Variants in LONP1 observed in about 807,000 individuals in gnomAD.
The protein encoded by LONP1 is lon peptidase 1, mitochondrial, also known as lon protease homolog, mitochondrial.
LONP1 carries 31 observed loss-of-function variants against 98.5 expected under a neutral mutation model. The observed-to-expected ratio is 0.31, with a 90% CI of 0.24 to 0.42. The LOEUF is 0.42. Among genes scored for constraint, LONP1 ranks in the 20% least tolerant of loss-of-function variants. The pLI, the probability that LONP1 is intolerant of heterozygous loss-of-function variation, is 1.00. For missense variants in LONP1, 1,336 were observed against 1,350.6 expected (o/e 0.99, Z 0.17); for synonymous variants, 781 against 594.7 (o/e 1.31, Z -4.56).
chr19:5,714,312 T>A (rs1568327789), intron 1 of LONP1, 41 bp from the exon 2 acceptor site: 1 of 1,438,950 alleles, frequency 6.9e-7, no homozygotes, highest in East Asian at 2.3e-5. Flanking sequence ...CAGAGTAGAT[T>A]TTTTTTTTGA....
intron 1 of LONP1, among the ~76,000 whole-genome samples, chr19:5,716,845 G>A (rs2055332641): frequency 6.6e-6 from 1 of 152,140 alleles, no homozygotes; most frequent in African/African-American, 2.4e-5. Context: ...CCAGGCTAGA[G>A]CGCAGTGGAG....
intron 5 of LONP1, 141 bp downstream of exon 5, chr19:5,708,201 C>T (rs531984655): frequency 1.1e-5 from 9 of 835,606 alleles, no homozygotes; most frequent in South Asian, 3.3e-5. Flanking sequence ...CAGTGGGCAA[C>T]GGGCTCCTCC....
In LONP1 at chr19:5,700,825, G is replaced by A. The variant is rs774704630; in HGVS notation, c.1470C>T (p.Asp490=). Residue 490 remains aspartate (D), a synonymous_variant, in exon 9 of 18, where the codon GAC becomes GAT. Coordinates refer to ENST00000360614, the MANE Select transcript of LONP1 (RefSeq NM_004793.4). ...TCTTGACGTCCTCCATGCCGTAGTG[G>A]TCTTCCTCCAGCACTGCCTGTGCCC... is the stretch of plus-strand genomic sequence containing the variant. ...LARAQAVLEE[D]HYGMEDVKKR... 6.2e-6 allele frequency: 10 copies of A among 1,614,192 alleles called. 1 individual carries two copies. The South Asian group carries it at 6.6e-5, about 11-fold the overall frequency.
intron 3 of LONP1, 160 bp from the exon 4 acceptor site, chr19:5,712,162 G>A (rs1043796243): frequency 3.8e-5 from 23 of 599,474 alleles, no homozygotes; most frequent in Admixed American, 2.4e-4. Context: ...GACGTGAGCC[G>A]CTTTCTCGGG....
Position 5,707,778 on chromosome 19 carries a change from G to A in LONP1, c.981C>T (p.Asn327=), listed in dbSNP as rs2055171673. The part of the protein sequence containing the change: ...MMQAGQRVVD[N]PIYLSDMGAA... ...CGCCCATGTCGCTCAGGTAGATGGG[G>A]TTGTCCACCACCCGCTGGCCAGCCT... Residue 327 remains asparagine, a synonymous_variant, in exon 6 of 18, where the codon AAC becomes AAT. Transcript: ENST00000360614. 6.2e-7 allele frequency: 1 copy of A among 1,613,186 alleles called. No homozygotes were observed.
At chr19:5,695,801 G>C (rs940385229) in intron 13 of LONP1, among the ~76,000 whole-genome samples, 2 of 152,234 alleles carry the variant, frequency 1.3e-5, no homozygotes, top group Admixed American at 1.3e-4. Context: ...GGCCCCGGGA[G>C]ACAGAGTGTG....
At chr19:5,710,551 A>T (rs1379736022) in intron 4 of LONP1, among the ~76,000 whole-genome samples, 3 of 151,220 alleles carry the variant, frequency 2.0e-5, no homozygotes, top group African/African-American at 4.9e-5. Flanking sequence ...CAGGGATTTT[A>T]TTTTTTTTGT....
intron 7 of LONP1, among the ~76,000 whole-genome samples, 198 bp from the exon 8 acceptor site, chr19:5,706,190 G>A (rs1435769884): frequency 6.6e-6 from 1 of 152,128 alleles, no homozygotes; most frequent in Non-Finnish European, 1.5e-5. Context: ...AGGCTGGAGT[G>A]CAAAGGCACC....
At chr19:5,714,119 G>A in intron 2 of LONP1, 64 bp downstream of exon 2, 3 of 1,278,654 alleles carry the variant, frequency 2.3e-6, no homozygotes, top group East Asian at 4.6e-5. Flanking sequence ...TACAGAGTAG[G>A]ACTTGTGGTG....
Position 5,696,292 on chromosome 19 carries a change from T to C in LONP1, c.1853A>G (p.Asn618Ser). The C allele has an allele frequency of 2.5e-6, 4 of 1,613,438 alleles. No homozygotes were observed. Among genetic ancestry groups the C allele is most frequent in the Non-Finnish European group, 2.5e-6 (3 of 1,179,888 alleles). ...LELLDPEQNANFLDHYLDVPV... is the reference protein window; with the variant it reads ...LELLDPEQNASFLDHYLDVPV... ...CACGTCCAGGTAGTGGTCCAGGAAG[T>C]TGGCATTCTGCTCTGGGTCCAGCAG... The change falls in exon 12 of 18, where the codon AAC (asparagine) becomes AGC (serine). Residue 618 changes from asparagine to serine, a missense_variant. Physicochemically the swap from Asn to Ser is conservative, Grantham distance 46. This residue lies in a region of LONP1 where 555 missense variants were observed against 542.6 expected (regional missense o/e 1.02). Coordinates refer to ENST00000360614, the MANE Select transcript of LONP1 (RefSeq NM_004793.4).
At chr19:5,693,944 G>A (rs763064578) in intron 15 of LONP1, among the ~76,000 whole-genome samples, 175 bp from the exon 16 acceptor site, 63 of 152,146 alleles carry the variant, frequency 4.1e-4, no homozygotes, top group Non-Finnish European at 6.2e-4. Flanking sequence ...GCTGCGTTGC[G>A]GGTTCCTGGC....
intron 14 of LONP1, 56 bp downstream of exon 14, chr19:5,694,705 C>CA: frequency 6.4e-7 from 1 of 1,560,504 alleles, no homozygotes; most frequent in Admixed American, 1.7e-5. Flanking sequence ...GTGGGGTGAT[C>CA]AGCGTGGGAT....
At chr19:5,694,673 G>T in intron 14 of LONP1, 88 bp downstream of exon 14, 1 of 1,565,718 alleles carries the variant, frequency 6.4e-7, no homozygotes, top group Non-Finnish European at 8.7e-7. Context: ...GCGCAGGAAA[G>T]TGGGATGATG....
chr19:5,696,210 C>T (rs755059728), intron 12 of LONP1, 39 bp downstream of exon 12: 2 of 1,612,754 alleles, frequency 1.2e-6, no homozygotes, highest in Admixed American at 1.7e-5. Flanking sequence ...TGGCCGCTTA[C>T]CCTCCCCAGC....
chr19:5,701,070 T>C (rs1465616746), intron 8 of LONP1, 143 bp from the exon 9 acceptor site: 2 of 884,010 alleles, frequency 2.3e-6, no homozygotes, highest in Non-Finnish European at 3.6e-6. Flanking sequence ...TCCCAGCTCT[T>C]TGGGAGGCCC....
chr19:5,710,010 T>C (rs987189502), intron 4 of LONP1, among the ~76,000 whole-genome samples: 3 of 151,596 alleles, frequency 2.0e-5, no homozygotes, highest in East Asian at 3.9e-4. Context: ...CTTCCCCCTG[T>C]TGCAAGATTC....
intron 14 of LONP1, 98 bp from the exon 15 acceptor site, chr19:5,694,650 G>GGTGGGGTGATGGGCGCGGGGT: frequency 6.4e-7 from 1 of 1,564,818 alleles, no homozygotes; most frequent in South Asian, 1.2e-5. Flanking sequence ...GGCGCGGGGT[G>GGTGGGGTGATGGGCGCGGGGT]GTGGGGTGAT....
rs549327636 is a variant in LONP1 at position 5,704,395 on chromosome 19, C to T, written c.1367+1377G>A. On this transcript the variant is annotated intron_variant, in intron 8 of 17. Coordinates refer to ENST00000360614, the MANE Select transcript of LONP1 (RefSeq NM_004793.4). The stretch of plus-strand genomic sequence containing the variant: ...CGGGGCGTGCTGGGAGGGGAAGCCA[C>T]AGCCTTCGCGCGCAACCAGTGCCTC... 1.6e-4 allele frequency among the ~76,000 whole-genome samples: 24 copies of T among 152,320 alleles called. No homozygotes were observed. The East Asian group carries it at 4.6e-3, about 29-fold the overall frequency.
Position 5,692,178 on chromosome 19 carries a change from G to A in LONP1, c.2734C>T (p.Leu912=). The A allele has an allele frequency of 1.2e-6, 2 of 1,614,038 alleles. No homozygotes were observed. The highest frequency in any genetic ancestry group is 1.3e-5 in the African/African-American group (1 of 75,074). Residue 912 remains leucine, a synonymous_variant, in exon 18 of 18, where the codon CTG becomes TTG. Transcript: ENST00000360614. ...AKRAGVTCIV[L]PAENKKDFYD... ...AAGTCCTTCTTGTTCTCGGCTGGCAGGACGATGCACGTCACCCCTGCGCGC... is the reference window on the plus strand; with the variant it reads ...AAGTCCTTCTTGTTCTCGGCTGGCAAGACGATGCACGTCACCCCTGCGCGC...
Sources: allele counts gnomAD v4.1 joint callset (sites outside exome capture counted in the v4.1 genomes callset), GRCh38; gene constraint gnomAD v4.1.1; regional missense constraint gnomAD v4.1.1; transcripts MANE v1.5; gene names NCBI Gene and HGNC (gene_info 2026-07-23, HGNC 2026-07-21).